AMBRA1: variants seen among roughly 807,000 people sequenced by gnomAD.
AMBRA1 encodes autophagy and beclin 1 regulator 1, also known as activating molecule in BECN1-regulated autophagy protein 1.
A neutral mutation model predicts 125.4 loss-of-function variants in AMBRA1; 47 were observed. That is an observed-to-expected ratio of 0.37 (90% CI 0.30 to 0.48). The LOEUF is 0.48. Ranked by LOEUF, AMBRA1 falls within the 20% of genes least tolerant of loss-of-function variation. AMBRA1 has a pLI of 0.99. For missense variants in AMBRA1, 1,331 were observed against 1,693.4 expected, an observed-to-expected ratio of 0.79 and a Z score of 3.76; for synonymous variants, 626 against 655.5, an observed-to-expected ratio of 0.95 and a Z score of 0.69.
At chr11:46,501,661 C>G (rs2135009653) in intron 9 of AMBRA1, among the ~76,000 whole-genome samples, 1 of 152,204 alleles carries the variant, frequency 6.6e-6, no homozygotes, top group East Asian at 1.9e-4. Context: ...CTTGATTTAC[C>G]TCACCCCACA....
chr11:46,505,719 G>A (rs947073790), intron 9 of AMBRA1, among the ~76,000 whole-genome samples: 2 of 151,884 alleles, frequency 1.3e-5, no homozygotes, highest in African/African-American at 4.8e-5. Flanking sequence ...AGCATAAGGA[G>A]GAGGCAGTCT....
intron 14 of AMBRA1, among the ~76,000 whole-genome samples, chr11:46,422,931 G>A (rs1325555465): frequency 6.6e-6 from 1 of 152,204 alleles, no homozygotes; most frequent in Non-Finnish European, 1.5e-5. Context: ...TAGAAGAGCT[G>A]TGGAAAAAGG....
intron 14 of AMBRA1, among the ~76,000 whole-genome samples, chr11:46,433,143 TAAAA>T (rs1947532673): frequency 1.3e-5 from 2 of 152,352 alleles, no homozygotes; most frequent in Admixed American, 1.3e-4. Flanking sequence ...CAAAAAGCTT[TAAAA>T]ATAAGCATTT....
At chr11:46,562,267 C>G (rs184404274) in intron 1 of AMBRA1, among the ~76,000 whole-genome samples, 24 of 152,208 alleles carry the variant, frequency 1.6e-4, no homozygotes, top group African/African-American at 4.1e-4. Context: ...ACTAAGGTCC[C>G]TAACAGGTAA....
At chr11:46,412,275 T>C (rs958051360) in intron 15 of AMBRA1, among the ~76,000 whole-genome samples, 1 of 152,194 alleles carries the variant, frequency 6.6e-6, no homozygotes, top group Non-Finnish European at 1.5e-5. Flanking sequence ...ACTAATACAA[T>C]GTAAATTATG....
chr11:46,513,864 G>A (rs951492834), intron 7 of AMBRA1, among the ~76,000 whole-genome samples: 8 of 148,602 alleles, frequency 5.4e-5, no homozygotes, highest in African/African-American at 2.0e-4. Context: ...TCTCCTGATT[G>A]TTAAATTTTA....
intron 7 of AMBRA1, among the ~76,000 whole-genome samples, chr11:46,519,888 C>G (rs530761683): frequency 6.6e-6 from 1 of 151,970 alleles, no homozygotes; most frequent in Non-Finnish European, 1.5e-5. Flanking sequence ...GCCTGTAATC[C>G]CAGCACTTTG....
intron 7 of AMBRA1, among the ~76,000 whole-genome samples, chr11:46,541,262 T>C (rs1291307725): frequency 6.6e-6 from 1 of 152,202 alleles, no homozygotes; most frequent in Non-Finnish European, 1.5e-5. Flanking sequence ...AATCTGAGTA[T>C]GGAGAGTCTT....
chr11:46,563,232 AC>A (rs1362525443), intron 1 of AMBRA1, among the ~76,000 whole-genome samples: 2 of 151,828 alleles, frequency 1.3e-5, no homozygotes, highest in African/African-American at 4.8e-5. Context: ...GAGAACATAG[AC>A]CTCATCTCTT....
At chr11:46,496,506 T>G (rs1950636065) in intron 9 of AMBRA1, among the ~76,000 whole-genome samples, 1 of 152,148 alleles carries the variant, frequency 6.6e-6, no homozygotes, top group African/African-American at 2.4e-5. Flanking sequence ...AGCTGACAAT[T>G]TGCTCCTGCA....
intron 16 of AMBRA1, among the ~76,000 whole-genome samples, chr11:46,410,046 G>A (rs1194626669): frequency 6.6e-6 from 1 of 152,268 alleles, no homozygotes; most frequent in Non-Finnish European, 1.5e-5. Flanking sequence ...CAGGATGGGA[G>A]AGGGCCAGGG....
intron 11 of AMBRA1, among the ~76,000 whole-genome samples, chr11:46,451,408 C>A (rs1046158069): frequency 6.6e-6 from 1 of 152,130 alleles, no homozygotes; most frequent in African/African-American, 2.4e-5. Context: ...ATCTCTCTAC[C>A]TTTGCTTCTC....
intron 17 of AMBRA1, among the ~76,000 whole-genome samples, chr11:46,401,377 A>C (rs963595541): frequency 1.3e-5 from 2 of 152,304 alleles, no homozygotes; most frequent in Admixed American, 1.3e-4. Flanking sequence ...AGTAGCTGGG[A>C]CTACAGGCAT....
rs537751028 is a variant in AMBRA1 at position 46,463,166 on chromosome 11, C to T, written c.2522-19568G>A. Among the ~76,000 whole-genome samples, 4 of 152,334 alleles carry T rather than the reference C, an allele frequency of 2.6e-5. No individual in the cohort carries two copies. The East Asian group carries it at 5.8e-4, about 22-fold the overall frequency. On this transcript the variant is annotated intron_variant, in intron 11 of 17. Coordinates refer to ENST00000683756, the MANE Select transcript of AMBRA1 (RefSeq NM_001387011.1). The stretch of plus-strand genomic sequence containing the variant: ...CTCTTATTCTGTTACAGTTCTTCTG[C>T]TCAATTTCCTGCCCTCTGCAGGATG...
chr11:46,441,012 T>C (rs35935319), intron 12 of AMBRA1, among the ~76,000 whole-genome samples: 1,834 of 152,114 alleles, frequency 0.012, 45 homozygotes, highest in African/African-American at 0.042. Flanking sequence ...TACTACAAGG[T>C]TTGGTGCAAT....
Position 46,397,806 on chromosome 11 carries a change from T to C in AMBRA1, c.3541A>G (p.Asn1181Asp), listed in dbSNP as rs375792318. The C allele has an allele frequency of 6.2e-7, 1 of 1,608,058 alleles. No homozygotes were observed. The highest frequency in any genetic ancestry group is 8.5e-7 in the Non-Finnish European group (1 of 1,179,996). Residue 1181 changes from asparagine to aspartate, a missense_variant, in exon 18 of 18, where the codon AAC (asparagine) becomes GAC (aspartate). Coordinates refer to ENST00000683756, the MANE Select transcript of AMBRA1 (RefSeq NM_001387011.1). Reference sequence around the variant, plus strand: ...TGAATGCGGTGGCTGACGATGATGTTGTTGCCGAAGCCGCCCATGGAGGCC... The same window carrying C: ...TGAATGCGGTGGCTGACGATGATGTCGTTGCCGAAGCCGCCCATGGAGGCC... ...TMASMGGFGN[N>D]IIVSHRIHRS...
chr11:46,413,759 G>A (rs1342832294), intron 15 of AMBRA1, among the ~76,000 whole-genome samples: 1 of 152,216 alleles, frequency 6.6e-6, no homozygotes, highest in African/African-American at 2.4e-5. Context: ...CCAAAGTGCT[G>A]GGATTACAGG....
intron 9 of AMBRA1, among the ~76,000 whole-genome samples, chr11:46,507,685 A>T (rs1951103920): frequency 6.6e-6 from 1 of 152,122 alleles, no homozygotes; most frequent in Admixed American, 6.5e-5. Context: ...GAGACCAAAA[A>T]AGTTTAGGCA....
At chr11:46,560,703 T>C (rs2043303891) in intron 1 of AMBRA1, among the ~76,000 whole-genome samples, 1 of 152,088 alleles carries the variant, frequency 6.6e-6, no homozygotes, top group Non-Finnish European at 1.5e-5. Flanking sequence ...AAGAAGAAAC[T>C]GAAGCTCAAT....
Sources: gnomAD v4.1 joint callset for allele counts (sites outside exome capture counted in the v4.1 genomes callset) on GRCh38, gnomAD v4.1.1 for gene constraint, MANE v1.5 for transcripts, NCBI Gene and HGNC (gene_info 2026-07-23, HGNC 2026-07-21) for gene names.